The following MTCP1 variants were observed in gnomAD, a reference collection of about 807,000 sequenced individuals.
The protein encoded by MTCP1 is mature T cell proliferation 1, also known as protein p13 MTCP-1.
In MTCP1, 2 loss-of-function variants were observed where a neutral mutation model predicts 10.6. The observed-to-expected ratio is 0.19, with a 90% confidence interval of 0.08 to 0.59. The LOEUF (loss-of-function observed/expected upper bound fraction) is 0.59, where lower values mean the gene tolerates loss of function less well. MTCP1 is among the 20% of genes least tolerant of loss of function. MTCP1 has a pLI of 0.90. For synonymous variants in MTCP1, 29 were observed against 34.4 expected, an observed-to-expected ratio of 0.84 and a Z score of 0.55; for missense variants, 33 against 91.5, an observed-to-expected ratio of 0.36 and a Z score of 2.61.
chrX:155,065,918 G>A lies in MTCP1; in HGVS notation c.93C>T (p.Ala31=), dbSNP rs2073946600. ...TGTAAACAGTTACCTCTTCCACGAC[G>A]GCCACCCACGTGCGCTGGTATTCGT... ...YRDEYQRTWV[A]VVEEETSFLR... The change falls in exon 2 of 5, where the codon GCC becomes GCT. Residue 31 remains alanine (A), a synonymous_variant. Coordinates refer to ENST00000369476, the MANE Select transcript of MTCP1 (RefSeq NM_001018025.4). The A allele has an allele frequency of 1.7e-6, 2 of 1,210,514 alleles. No homozygotes were observed. Among genetic ancestry groups the A allele is most frequent in the African/African-American group, 1.7e-5 (1 of 57,827 alleles).
chrX:155,070,945 T>G lies in MTCP1; in HGVS notation c.-299A>C, dbSNP rs2073971713. On this transcript the variant is annotated 5_prime_UTR_variant, in exon 1 of 5. Transcript: ENST00000369476. ...AATAAAACAAAATAAAATAAAACCTTAACTGTTTTGGGACTGACTTTCAAA... is the reference window on the plus strand; with the variant it reads ...AATAAAACAAAATAAAATAAAACCTGAACTGTTTTGGGACTGACTTTCAAA... 1 of 112,617 alleles carries G rather than the reference T, an allele frequency of 8.9e-6. No homozygotes were observed. The highest frequency in any genetic ancestry group is 3.6e-4 in the South Asian group (1 of 2,783). The allele number at this position is 112,617 out of a possible 1,213,427, so 9.3% of individuals were successfully genotyped here.
chrX:155,070,314 G>A (rs1466584383), intron 1 of MTCP1, among the ~76,000 whole-genome samples: 1 of 111,938 alleles, frequency 8.9e-6, no homozygotes, highest in African/African-American at 3.3e-5. Flanking sequence ...GAACACGGAC[G>A]GGCTGTGGAG....
Position 155,065,473 on chromosome X carries a change from T to C in MTCP1, c.*4+13A>G, listed in dbSNP as rs369294001. On this transcript the variant is annotated intron_variant, in intron 4 of 4. Coordinates refer to ENST00000369476, the MANE Select transcript of MTCP1 (RefSeq NM_001018025.4). ...AAAGAGGGGGAGGACAGAGGAGAAATAGAAATACATACCAGGTTAGTCATC... is the reference window on the plus strand; with the variant it reads ...AAAGAGGGGGAGGACAGAGGAGAAACAGAAATACATACCAGGTTAGTCATC... 2.7e-5 allele frequency: 32 copies of C among 1,195,934 alleles called. No individual in the cohort carries two copies. Among genetic ancestry groups the C allele is most frequent in the African/African-American group, 5.3e-5 (3 of 56,611 alleles).
At position 155,066,752 on chromosome X, in the gene MTCP1, T is replaced by C. The variant is rs1160511890; in HGVS notation, c.-47-695A>G. Among the ~76,000 whole-genome samples the C allele has an allele frequency of 3.6e-5, 4 of 112,119 alleles. No individual in the cohort carries two copies. The Admixed American group carries it at 3.8e-4, about 11-fold the overall frequency. ...GCTGAGTGAGTGCAAATGAAAGTTATCCATCTAGGTCCTTGTTTTATTTTA... is the reference window on the plus strand; with the variant it reads ...GCTGAGTGAGTGCAAATGAAAGTTACCCATCTAGGTCCTTGTTTTATTTTA... On this transcript the variant is annotated intron_variant, in intron 1 of 4. Transcript: ENST00000369476.
At chrX:155,069,526 G>A (rs1484698617) in intron 1 of MTCP1, among the ~76,000 whole-genome samples, 1 of 112,189 alleles carries the variant, frequency 8.9e-6, no homozygotes, top group Non-Finnish European at 1.9e-5. Flanking sequence ...GGCGCTATGA[G>A]GTGGGCAGAA....
rs1160420417 is a variant in MTCP1, at chrX:155,065,519, G to A, written c.295C>T (p.Leu99=). The stretch of plus-strand genomic sequence containing the variant: ...TCATCAGGCAAAAGCTTAAGCAACA[G>A]CTCCTGTACTCCCCTGACCTGTCAG... ...HHLMVRGVQE[L]LLKLLPDD The change falls in exon 4 of 5, where the codon CTG becomes TTG. Residue 99 remains leucine (L), a synonymous_variant. Transcript: ENST00000369476. 8.3e-7 allele frequency: 1 copy of A among 1,209,752 alleles called. No individual in the cohort carries two copies. The highest frequency in any genetic ancestry group is 1.1e-6 in the Non-Finnish European group (1 of 894,538).
At chrX:155,069,488 A>G (rs1393964211) in intron 1 of MTCP1, among the ~76,000 whole-genome samples, 1 of 111,984 alleles carries the variant, frequency 8.9e-6, no homozygotes, top group Non-Finnish European at 1.9e-5. Flanking sequence ...ACATATATTG[A>G]CTCATTTAAT....
In MTCP1 at chrX:155,065,745, G is replaced by A; in HGVS notation, c.150C>T (p.Pro50=). 6 of 1,211,605 alleles carry A rather than the reference G, an allele frequency of 5.0e-6. No individual in the cohort carries two copies. The highest frequency in any genetic ancestry group is 6.7e-6 in the Non-Finnish European group (6 of 895,400). ...LRARVQQIQV[P]LGDAARPSHL... The stretch of plus-strand genomic sequence containing the variant: ...GACTTGGCCTAGCTGCGTCACCTAA[G>A]GGAACCTGAATTTGCTGGACTCGTG... Residue 50 remains proline (P), a synonymous_variant, in exon 3 of 5, where the codon CCC becomes CCT. Coordinates refer to ENST00000369476, the MANE Select transcript of MTCP1 (RefSeq NM_001018025.4).
Position 155,065,255 on chromosome X carries a change from C to T in MTCP1, c.*149G>A. The T allele has an allele frequency of 4.7e-6, 2 of 429,675 alleles. No individual in the cohort carries two copies. Among genetic ancestry groups the T allele is most frequent in the Non-Finnish European group, 8.2e-6 (2 of 244,074 alleles). The allele number at this position is 429,675 out of a possible 1,213,427, so 35.4% of individuals were successfully genotyped here. On this transcript the variant is annotated 3_prime_UTR_variant, in exon 5 of 5. Coordinates refer to ENST00000369476, the MANE Select transcript of MTCP1 (RefSeq NM_001018025.4). ...GTTTCACTTGCAGTATTCTTCATGA[C>T]CCTTGCTAAACTTCTGTTTCTTGAG... is the stretch of plus-strand genomic sequence containing the variant.
Position 155,065,872 on chromosome X carries a change from A to G in MTCP1, c.105+34T>C, listed in dbSNP as rs781860761. On this transcript the variant is annotated intron_variant, in intron 2 of 4. Coordinates refer to ENST00000369476, the MANE Select transcript of MTCP1 (RefSeq NM_001018025.4). ...ATAGAAACCAAGTTACTTGAAAGCA[A>G]AATCAAAGAAATAAGCAAAATGTAA... 4.3e-5 allele frequency: 52 copies of G among 1,196,459 alleles called. No individual in the cohort carries two copies. In the Admixed American group the frequency reaches 7.0e-4, roughly 16 times the overall value.
intron 1 of MTCP1, 34 bp from the exon 2 acceptor site, chrX:155,066,091 T>G (rs782280516): frequency 1.3e-6 from 1 of 799,134 alleles, no homozygotes; most frequent in South Asian, 2.4e-5. Context: ...CAGGTGTGAC[T>G]TTTTGGGTTT....
At position 155,065,898 on chromosome X, in the gene MTCP1, A is replaced by G; in HGVS notation, c.105+8T>C. ...AATCAAAGAAATAAGCAAAATGTAA[A>G]CAGTTACCTCTTCCACGACGGCCAC... On this transcript the variant is annotated splice_region_variant and intron_variant, in intron 2 of 4. Coordinates refer to ENST00000369476, the MANE Select transcript of MTCP1 (RefSeq NM_001018025.4). 1 of 1,206,439 alleles carries G rather than the reference A, an allele frequency of 8.3e-7. No homozygotes were observed. Among genetic ancestry groups the G allele is most frequent in the Non-Finnish European group, 1.1e-6 (1 of 891,381 alleles).
In MTCP1 at chrX:155,071,012, G is replaced by C. The variant is rs2073972172; in HGVS notation, c.-366C>G. Reference sequence around the variant, plus strand: ...TCAAGAGGCCGGCGTTCGCGGAGATGTCGTCTTAAAGGGCTGTCCCCCAAG... The same window carrying C: ...TCAAGAGGCCGGCGTTCGCGGAGATCTCGTCTTAAAGGGCTGTCCCCCAAG... On this transcript the variant is annotated 5_prime_UTR_variant, in exon 1 of 5. Coordinates refer to ENST00000369476, the MANE Select transcript of MTCP1 (RefSeq NM_001018025.4). The C allele has an allele frequency of 5.3e-5, 6 of 112,910 alleles. No homozygotes were observed. The South Asian group carries it at 1.8e-3, about 33-fold the overall frequency. The allele number at this position is 112,910 out of a possible 1,213,427, so 9.3% of individuals were successfully genotyped here. A position where few individuals can be genotyped will look rare whatever the true frequency, so the allele number is the denominator to read the frequency against.
At chrX:155,067,826 A>T (rs1402406750) in intron 1 of MTCP1, among the ~76,000 whole-genome samples, 1 of 112,019 alleles carries the variant, frequency 8.9e-6, no homozygotes, top group African/African-American at 3.3e-5. Context: ...TGGGTAGGGA[A>T]GGGAAACAAA....
At position 155,070,880 on chromosome X, in the gene MTCP1, C is replaced by T. The variant is rs1888858253; in HGVS notation, c.-234G>A. 8.9e-6 allele frequency: 1 copy of T among 112,450 alleles called. No homozygotes were observed. Among genetic ancestry groups the T allele is most frequent in the Non-Finnish European group, 1.9e-5 (1 of 53,168 alleles). The allele number at this position is 112,450 out of a possible 1,213,427, so 9.3% of individuals were successfully genotyped here. On this transcript the variant is annotated 5_prime_UTR_variant, in exon 1 of 5. Coordinates refer to ENST00000369476, the MANE Select transcript of MTCP1 (RefSeq NM_001018025.4). ...GCGCGGGCCGGCAACCGGAAGTGGT[C>T]CAGGGAGAGTTGTACGAGATTCGGG...
In MTCP1 at chrX:155,070,811, C is replaced by A. The variant is rs2073970778; in HGVS notation, c.-165G>T. Reference sequence around the variant, plus strand: ...ATCGCGACGTGAGCCCGGGGTGAGCCGAGGGGCATCCCGGGCCGAGGTCAC... The same window carrying A: ...ATCGCGACGTGAGCCCGGGGTGAGCAGAGGGGCATCCCGGGCCGAGGTCAC... On this transcript the variant is annotated 5_prime_UTR_variant, in exon 1 of 5. Transcript: ENST00000369476. 1 of 112,576 alleles carries A rather than the reference C, an allele frequency of 8.9e-6. No homozygotes were observed. The highest frequency in any genetic ancestry group is 3.6e-4 in the South Asian group (1 of 2,746). The allele number at this position is 112,576 out of a possible 1,213,427, so 9.3% of individuals were successfully genotyped here.
chrX:155,070,217 T>C (rs2073967039), intron 1 of MTCP1, among the ~76,000 whole-genome samples: 1 of 111,830 alleles, frequency 8.9e-6, no homozygotes, highest in African/African-American at 3.3e-5. Context: ...ACACTTCAAG[T>C]AGCACCTTGG....
chrX:155,068,166 C>A (rs1557292155), intron 1 of MTCP1, among the ~76,000 whole-genome samples: 1 of 112,189 alleles, frequency 8.9e-6, no homozygotes, highest in African/African-American at 3.2e-5. Flanking sequence ...TAGGTCCTAG[C>A]AACAACCAAC....
At position 155,065,956 on chromosome X, in the gene MTCP1, C is replaced by G; in HGVS notation, c.55G>C (p.Gly19Arg). The G allele has an allele frequency of 8.3e-7, 1 of 1,211,934 alleles. No homozygotes were observed. The highest frequency in any genetic ancestry group is 1.1e-6 in the Non-Finnish European group (1 of 895,457). Reference protein sequence around the residue: ...PPDHLWVHQEGIYRDEYQRTW... With the variant: ...PPDHLWVHQERIYRDEYQRTW... ...CGCTGGTATTCGTCGCGGTAGATAC[C>G]CTCTTGGTGAACCCAGAGGTGATCG... Residue 19 changes from glycine (G) to arginine (R), a missense_variant, in exon 2 of 5, where the codon GGT becomes CGT. Transcript: ENST00000369476.
Sources: allele counts gnomAD v4.1 joint callset (sites outside exome capture counted in the v4.1 genomes callset), GRCh38; gene constraint gnomAD v4.1.1; transcripts MANE v1.5; gene names NCBI Gene and HGNC (gene_info 2026-07-23, HGNC 2026-07-21).